Variants in WDR27 observed in about 807,000 individuals in gnomAD.
WDR27 encodes the protein WD repeat domain 27.
In WDR27, 100 loss-of-function variants were observed where a neutral mutation model predicts 114.4. The observed-to-expected ratio is 0.87, with a 90% confidence interval of 0.74 to 1.03. The LOEUF (loss-of-function observed/expected upper bound fraction) is 1.03. WDR27 is among the 50% of genes least tolerant of loss of function. The probability of loss-of-function intolerance (pLI) is 0.00; values close to 1 mark genes in which losing one functional copy is unlikely to be tolerated. For missense variants in WDR27, 1,129 were observed against 1,092.9 expected (o/e 1.03, Z -0.47); for synonymous variants, 449 against 423.1 (o/e 1.06, Z -0.75).
Position 169,524,572 on chromosome 6 carries a change from A to G in WDR27, c.2645+47847T>C, listed in dbSNP as rs1185402519. 1.8e-4 allele frequency among the ~76,000 whole-genome samples: 28 copies of G among 152,240 alleles called. 1 individual carries two copies. Among genetic ancestry groups the G allele is most frequent in the Admixed American group, 1.6e-3 (24 of 15,288 alleles). On this transcript the variant is annotated intron_variant, in intron 25 of 25. Transcript: ENST00000448612. ...GTAACCAAATCAGCATTGAACTGGC[A>G]TAACAACAGGCACATAGAGCAATGA...
intron 21 of WDR27, among the ~76,000 whole-genome samples, chr6:169,626,524 C>T (rs369358733): frequency 1.3e-5 from 2 of 152,184 alleles, no homozygotes; most frequent in Non-Finnish European, 2.9e-5. Flanking sequence ...CCCAGGACCA[C>T]CTCCTGGGGA....
rs533617890 is a variant in WDR27 at position 169,581,045 on chromosome 6, T to G, written c.2523+1791A>C. On this transcript the variant is annotated intron_variant, in intron 24 of 25. Transcript: ENST00000448612. The stretch of plus-strand genomic sequence containing the variant: ...TATACATAACTGGTTTCTCGCTGCC[T>G]GTTCTTTAGCGGCCCTTCGTCAGGA... Among the ~76,000 whole-genome samples, 10 of 151,726 alleles carry G rather than the reference T, an allele frequency of 6.6e-5. No homozygotes were observed. In the South Asian group the frequency reaches 2.1e-3, roughly 32 times the overall value.
At chr6:169,463,604 T>A (rs994185132) in intron 25 of WDR27, among the ~76,000 whole-genome samples, 12 of 152,214 alleles carry the variant, frequency 7.9e-5, no homozygotes, top group African/African-American at 2.9e-4. Context: ...AAATTATTTC[T>A]GTTCACAGAT....
At chr6:169,678,097 T>G (rs750612617) in intron 2 of WDR27, among the ~76,000 whole-genome samples, 4 of 152,232 alleles carry the variant, frequency 2.6e-5, no homozygotes, top group Non-Finnish European at 4.4e-5. Flanking sequence ...ACTGAGGCAC[T>G]GCCTACTAGA....
the WDR27 span, among the ~76,000 whole-genome samples, chr6:169,435,744 G>A: frequency 6.6e-6 from 1 of 152,192 alleles, no homozygotes; most frequent in Non-Finnish European, 1.5e-5. Flanking sequence ...ATAGGCAGAA[G>A]GGACTTGCCT....
At position 169,569,565 on chromosome 6, in the gene WDR27, T is replaced by C. The variant is rs2128125413; in HGVS notation, c.2645+2854A>G. On this transcript the variant is annotated intron_variant, in intron 25 of 25. Transcript: ENST00000448612. The stretch of plus-strand genomic sequence containing the variant: ...AAAAATCTAACAAAGCAAACATAAA[T>C]ATGGTGAATTTTAAGTTCTCTTAAA... 2.6e-5 allele frequency among the ~76,000 whole-genome samples: 4 copies of C among 152,306 alleles called. 1 individual carries two copies. In the Middle Eastern group the frequency reaches 0.014, roughly 518 times the overall value.
intron 25 of WDR27, among the ~76,000 whole-genome samples, chr6:169,561,738 A>G (rs2128115198): frequency 6.6e-6 from 1 of 152,346 alleles, no homozygotes; most frequent in Middle Eastern, 3.4e-3. Context: ...TTAAATATGA[A>G]TGGTCTAAAC....
At chr6:169,516,330 T>C (rs896472082) in intron 25 of WDR27, among the ~76,000 whole-genome samples, 35 of 152,162 alleles carry the variant, frequency 2.3e-4, no homozygotes, top group Non-Finnish European at 5.0e-4. Context: ...CTGCATTCCA[T>C]GTACTGGATG....
At chr6:169,517,641 T>C (rs1274416357) in intron 25 of WDR27, among the ~76,000 whole-genome samples, 1 of 152,234 alleles carries the variant, frequency 6.6e-6, no homozygotes, top group African/African-American at 2.4e-5. Flanking sequence ...GCATTGGTTA[T>C]AGGGAAGTTC....
At chr6:169,436,892 T>C in the WDR27 span, among the ~76,000 whole-genome samples, 3 of 152,132 alleles carry the variant, frequency 2.0e-5, no homozygotes, top group African/African-American at 4.8e-5. Context: ...TTAGACATTA[T>C]AAAATACATA....
At chr6:169,524,876 G>T (rs956831000) in intron 25 of WDR27, among the ~76,000 whole-genome samples, 13 of 152,122 alleles carry the variant, frequency 8.5e-5, no homozygotes, top group African/African-American at 3.1e-4. Context: ...TCTGGGCAAA[G>T]ATTTTTTTGT....
At chr6:169,554,620 G>A (rs574227752) in intron 25 of WDR27, among the ~76,000 whole-genome samples, 1 of 152,268 alleles carries the variant, frequency 6.6e-6, no homozygotes, top group East Asian at 1.9e-4. Context: ...AGCAAACACT[G>A]TTCCCGTGTG....
intron 24 of WDR27, among the ~76,000 whole-genome samples, chr6:169,578,842 T>C (rs1018634915): frequency 4.6e-5 from 7 of 152,222 alleles, no homozygotes; most frequent in African/African-American, 1.7e-4. Context: ...GACCATTCTG[T>C]ATCTGAGAGA....
intron 9 of WDR27, 95 bp from the exon 10 acceptor site, chr6:169,660,861 C>A: frequency 9.4e-7 from 1 of 1,065,824 alleles, no homozygotes; most frequent in Non-Finnish European, 1.3e-6. Flanking sequence ...GAGCTCTCCG[C>A]AGGAGTGGGG....
chr6:169,689,947 C>T (rs1784030784), intron 1 of WDR27, among the ~76,000 whole-genome samples: 1 of 152,176 alleles, frequency 6.6e-6, no homozygotes, highest in African/African-American at 2.4e-5. Flanking sequence ...AGGATCCACC[C>T]ATGCGGCCCT....
chr6:169,504,517 TGTG>T (rs1562505060), intron 25 of WDR27, among the ~76,000 whole-genome samples: 3 of 152,170 alleles, frequency 2.0e-5, no homozygotes, highest in African/African-American at 7.2e-5. Flanking sequence ...CATGTGGAAC[TGTG>T]AGTCAATTAA....
chr6:169,516,678 A>G (rs1001009895), intron 25 of WDR27, among the ~76,000 whole-genome samples: 3 of 152,006 alleles, frequency 2.0e-5, no homozygotes, highest in Non-Finnish European at 2.9e-5. Flanking sequence ...TGTGTCCCCA[A>G]GAGCTGGGCA....
intron 25 of WDR27, among the ~76,000 whole-genome samples, chr6:169,497,103 G>T (rs924961142): frequency 1.3e-5 from 2 of 152,072 alleles, no homozygotes; most frequent in African/African-American, 4.8e-5. Flanking sequence ...TAGACCAATA[G>T]AATTAAATAG....
chr6:169,498,166 G>A (rs1355337525), intron 25 of WDR27, among the ~76,000 whole-genome samples: 1 of 152,076 alleles, frequency 6.6e-6, no homozygotes, highest in Non-Finnish European at 1.5e-5. Context: ...CAGGGCAAAT[G>A]CTATATGATT....
Sources: allele counts gnomAD v4.1 joint callset (sites outside exome capture counted in the v4.1 genomes callset), GRCh38; gene constraint gnomAD v4.1.1; transcripts MANE v1.5; gene names NCBI Gene and HGNC (gene_info 2026-07-23, HGNC 2026-07-21).